Variants in FYN observed in about 807,000 individuals in gnomAD.
The protein encoded by FYN is FYN proto-oncogene, Src family tyrosine kinase.
In FYN, 10 loss-of-function variants were observed where a neutral mutation model predicts 70.2. The observed-to-expected ratio is 0.14, with a 90% CI of 0.09 to 0.24. FYN has a LOEUF of 0.24. FYN is among the 10% of genes least tolerant of loss of function. FYN has a pLI of 1.00. For synonymous variants in FYN, 236 were observed against 248.6 expected, an observed-to-expected ratio of 0.95 and a Z score of 0.48; for missense variants, 319 against 673.1, an observed-to-expected ratio of 0.47 and a Z score of 5.82.
At chr6:111,786,823 G>A (rs896987648) in intron 2 of FYN, among the ~76,000 whole-genome samples, 178 of 152,170 alleles carry the variant, frequency 1.2e-3, no homozygotes, top group Non-Finnish European at 1.1e-3. Flanking sequence ...CAGTGATGAT[G>A]AGCATTTTTT....
intron 2 of FYN, among the ~76,000 whole-genome samples, chr6:111,819,249 C>T (rs959844632): frequency 2.0e-5 from 3 of 152,266 alleles, no homozygotes; most frequent in African/African-American, 7.2e-5. Flanking sequence ...CTTCAAAAAG[C>T]CTTGTGATTT....
At chr6:111,771,693 C>A (rs947566904) in intron 3 of FYN, among the ~76,000 whole-genome samples, 1 of 152,240 alleles carries the variant, frequency 6.6e-6, no homozygotes, top group Non-Finnish European at 1.5e-5. Flanking sequence ...TGAAAACTGG[C>A]AACTGGGCTG....
chr6:111,827,136 G>A (rs1206718242), intron 2 of FYN, among the ~76,000 whole-genome samples: 1 of 152,142 alleles, frequency 6.6e-6, no homozygotes, highest in African/African-American at 2.4e-5. Context: ...GAGTCAGAGA[G>A]AAGAAGCTGT....
chr6:111,806,995 A>G (rs1389367227), intron 2 of FYN, among the ~76,000 whole-genome samples: 1 of 152,068 alleles, frequency 6.6e-6, no homozygotes, highest in Admixed American at 6.6e-5. Context: ...TCCACACGCT[A>G]TTTGTTTCAT....
At chr6:111,665,842 T>C (rs1797975072) in intron 13 of FYN, among the ~76,000 whole-genome samples, 2 of 152,006 alleles carry the variant, frequency 1.3e-5, no homozygotes, top group South Asian at 4.2e-4. Context: ...AGGCTGGTCT[T>C]GAATTCTTGG....
rs575320940 is a variant in FYN, at chr6:111,852,943, A to G, written c.-122-6314T>C. Among the ~76,000 whole-genome samples, 12 of 152,350 alleles carry G rather than the reference A, an allele frequency of 7.9e-5. 2 individuals carry two copies. The South Asian group carries it at 2.5e-3, about 32-fold the overall frequency. ...AAATTGAACAGTAGCACGTTCCACA[A>G]AGAGAAGCAACAGAACCAGTTGTGC... is the stretch of plus-strand genomic sequence containing the variant. On this transcript the variant is annotated intron_variant, in intron 1 of 13. Transcript: ENST00000354650.
intron 2 of FYN, among the ~76,000 whole-genome samples, chr6:111,786,107 C>T (rs34637214): frequency 0.02 from 3,049 of 151,692 alleles, 49 homozygotes; most frequent in Non-Finnish European, 0.029. Context: ...ATGTGCACAA[C>T]GTGCAGGTTT....
chr6:111,718,026 C>T (rs1157819925), intron 4 of FYN, among the ~76,000 whole-genome samples: 2 of 152,144 alleles, frequency 1.3e-5, no homozygotes, highest in Admixed American at 6.5e-5. Flanking sequence ...TGTGGGTGCC[C>T]GTAAGGTCAT....
At chr6:111,839,408 C>T (rs1773286004) in intron 2 of FYN, among the ~76,000 whole-genome samples, 1 of 151,994 alleles carries the variant, frequency 6.6e-6, no homozygotes, top group Non-Finnish European at 1.5e-5. Context: ...TTAAGAAGTC[C>T]TAAGGATTTT....
chr6:111,729,379 C>G (rs988329647), intron 3 of FYN, among the ~76,000 whole-genome samples: 1 of 150,936 alleles, frequency 6.6e-6, no homozygotes, highest in Non-Finnish European at 1.5e-5. Flanking sequence ...GTGGCTGAGG[C>G]ATGAGAATCG....
In FYN at chr6:111,862,732, T is replaced by C. The variant is rs1773998191; in HGVS notation, c.-123+10236A>G. 2.6e-5 allele frequency among the ~76,000 whole-genome samples: 4 copies of C among 152,218 alleles called. No individual in the cohort carries two copies. In the South Asian group the frequency reaches 8.3e-4, roughly 32 times the overall value. On this transcript the variant is annotated intron_variant, in intron 1 of 13. Coordinates refer to ENST00000354650, the MANE Select transcript of FYN (RefSeq NM_002037.5). ...CCTTCCAAACCCTGAATTTCTCATA[T>C]TGAATTTAACTAACAATGTCAGGCA...
chr6:111,721,923 A>G (rs907335685), intron 3 of FYN, among the ~76,000 whole-genome samples: 1 of 152,194 alleles, frequency 6.6e-6, no homozygotes. Flanking sequence ...CACATAAGAA[A>G]CACATGCCAT....
intron 3 of FYN, among the ~76,000 whole-genome samples, chr6:111,754,968 GTTT>G (rs56205301): frequency 1.4e-5 from 2 of 142,792 alleles, no homozygotes. Context: ...AATTTAAGCT[GTTT>G]TTTTTTTTTT....
chr6:111,808,040 G>A (rs940267975), intron 2 of FYN, among the ~76,000 whole-genome samples: 3 of 152,058 alleles, frequency 2.0e-5, no homozygotes, highest in East Asian at 1.9e-4. Flanking sequence ...CCTGGAAGGC[G>A]GAGGTTGCAG....
At chr6:111,816,026 A>T (rs961662079) in intron 2 of FYN, among the ~76,000 whole-genome samples, 11 of 152,260 alleles carry the variant, frequency 7.2e-5, no homozygotes, top group African/African-American at 1.9e-4. Flanking sequence ...CTACTGCTGA[A>T]TTTCACTTGT....
intron 2 of FYN, among the ~76,000 whole-genome samples, chr6:111,805,183 C>T (rs746308329): frequency 6.6e-6 from 1 of 152,152 alleles, no homozygotes; most frequent in Non-Finnish European, 1.5e-5. Context: ...TCTTTGAAGG[C>T]TTCTTTTCTA....
chr6:111,705,770 A>C (rs1262377000), intron 6 of FYN, among the ~76,000 whole-genome samples: 1 of 152,070 alleles, frequency 6.6e-6, no homozygotes, highest in Non-Finnish European at 1.5e-5. Flanking sequence ...AATTGCTTGA[A>C]CCAGGGATGT....
intron 12 of FYN, among the ~76,000 whole-genome samples, chr6:111,691,989 CA>C (rs1196306556): frequency 6.6e-6 from 1 of 152,046 alleles, no homozygotes; most frequent in African/African-American, 2.4e-5. Flanking sequence ...TCAGGCCTGG[CA>C]CTTGGAAGGT....
At chr6:111,696,696 T>A (rs989549527) in intron 9 of FYN, 12 of 379,068 alleles carry the variant, frequency 3.2e-5, no homozygotes, top group East Asian at 9.9e-5. Flanking sequence ...AAAATTTTTT[T>A]AAATTTTGAT....
Sources: allele counts gnomAD v4.1 joint callset (sites outside exome capture counted in the v4.1 genomes callset), GRCh38; gene constraint gnomAD v4.1.1; transcripts MANE v1.5; gene names NCBI Gene and HGNC (gene_info 2026-07-23, HGNC 2026-07-21).